The following COL12A1 variants were observed in gnomAD, a reference collection of about 807,000 sequenced individuals.
COL12A1 encodes the protein collagen type XII alpha 1 chain.
Under a neutral mutation model 349.7 loss-of-function variants are expected in COL12A1, and 114 were observed. That is an observed-to-expected ratio of 0.33 (90% CI 0.28 to 0.38). The LOEUF (loss-of-function observed/expected upper bound fraction) is 0.38. Ranked by LOEUF, COL12A1 falls within the 10% of genes least tolerant of loss-of-function variation. The pLI is 1.00. For missense variants in COL12A1, 3,284 were observed against 3,756.9 expected (o/e 0.87, Z 3.29); for synonymous variants, 1,369 against 1,329.0 (o/e 1.03, Z -0.66).
intron 59 of COL12A1, among the ~76,000 whole-genome samples, chr6:75,096,465 T>C (rs2149335816): frequency 6.6e-6 from 1 of 152,342 alleles, no homozygotes; most frequent in East Asian, 1.9e-4. Flanking sequence ...TTCAAAATCA[T>C]TAGTTTCAGT....
chr6:75,154,084 T>C (rs747011019), intron 17 of COL12A1, among the ~76,000 whole-genome samples: 4 of 151,834 alleles, frequency 2.6e-5, no homozygotes, highest in Non-Finnish European at 5.9e-5. Flanking sequence ...TTTTAAATTA[T>C]GCGTTATTAC....
Position 75,117,567 on chromosome 6 carries a change from A to C in COL12A1, c.7355-21T>G, listed in dbSNP as rs1230280502. 2.5e-6 allele frequency: 4 copies of C among 1,603,680 alleles called. No individual in the cohort carries two copies. In the East Asian group the frequency reaches 9.0e-5, roughly 36 times the overall value. ...GAACCCTGCAAAGTAGCATTTATAG[A>C]ATGAATCACGTATCTCTTTTTCTGT... is the stretch of plus-strand genomic sequence containing the variant. On this transcript the variant is annotated intron_variant, in intron 46 of 65. Coordinates refer to ENST00000322507, the MANE Select transcript of COL12A1 (RefSeq NM_004370.6).
intron 11 of COL12A1, among the ~76,000 whole-genome samples, chr6:75,180,571 C>CATATATATATATATATATATAT (rs1014346865): frequency 2.0e-5 from 3 of 150,726 alleles, no homozygotes; most frequent in African/African-American, 7.4e-5. Flanking sequence ...CCTATATATA[C>CATATATATATATATATATATAT]ATATATATAT....
chr6:75,096,895 CAAAAAAAA>C (rs35243223), intron 59 of COL12A1, among the ~76,000 whole-genome samples: 13 of 73,260 alleles, frequency 1.8e-4, no homozygotes, highest in African/African-American at 3.8e-4. Context: ...GACTCCGTCT[CAAAAAAAA>C]AAAAAAAAAA....
At chr6:75,200,902 AACTT>A (rs1446125641) in intron 2 of COL12A1, among the ~76,000 whole-genome samples, 2 of 152,026 alleles carry the variant, frequency 1.3e-5, no homozygotes, top group African/African-American at 4.8e-5. Flanking sequence ...ATTAAATACT[AACTT>A]AAGGAGATGG....
intron 36 of COL12A1, 71 bp downstream of exon 36, chr6:75,130,781 C>G: frequency 6.3e-7 from 1 of 1,587,154 alleles, no homozygotes; most frequent in Non-Finnish European, 8.6e-7. Context: ...CCTCCCACCA[C>G]TCATTCAATC....
chr6:75,107,843 A>G (rs1215158975), intron 52 of COL12A1, among the ~76,000 whole-genome samples: 1 of 152,210 alleles, frequency 6.6e-6, no homozygotes, highest in Admixed American at 6.5e-5. Flanking sequence ...GTTATACTTA[A>G]ATATCAGATT....
At chr6:75,135,873 C>T (rs1459640852) in intron 31 of COL12A1, among the ~76,000 whole-genome samples, 2 of 152,140 alleles carry the variant, frequency 1.3e-5, no homozygotes, top group Non-Finnish European at 2.9e-5. Context: ...AATCTGAAAG[C>T]CTATTTAGGA....
chr6:75,149,928 G>A (rs1458686075), intron 21 of COL12A1, among the ~76,000 whole-genome samples: 1 of 152,098 alleles, frequency 6.6e-6, no homozygotes, highest in Admixed American at 6.6e-5. Flanking sequence ...CTAATCAAGA[G>A]CCAGAAGCCT....
rs548518486 is a variant in COL12A1, at chr6:75,198,850, T to TCAAA, written c.73+3869_73+3870insTTTG. On this transcript the variant is annotated intron_variant, in intron 2 of 65. Coordinates refer to ENST00000322507, the MANE Select transcript of COL12A1 (RefSeq NM_004370.6). ...AAAATATCTTGATGAACTACTAAGA[T>TCAAA]CTTTAGTTTGATATCTGTGATAACA... Among the ~76,000 whole-genome samples the TCAAA allele has an allele frequency of 7.2e-5, 11 of 152,310 alleles. No individual in the cohort carries two copies. In the South Asian group the frequency reaches 2.3e-3, roughly 32 times the overall value.
rs748027719 is a variant in COL12A1, at chr6:75,183,488, T to C, written c.1453A>G (p.Ser485Gly). The stretch of plus-strand genomic sequence containing the variant: ...GTGAACTCAGTATGAGGATCCCGGC[T>C]GTATTGCACAAGACTAATCTGGACC... ...NRVQISLVQYSRDPHTEFTLK... is the reference protein window; with the variant it reads ...NRVQISLVQYGRDPHTEFTLK... Residue 485 changes from serine to glycine, a missense_variant, in exon 10 of 66, where the codon AGC (serine) becomes GGC (glycine). Physicochemically the swap from Ser to Gly is moderately conservative, Grantham distance 56 (BLOSUM62 0). This residue lies in a region of COL12A1 where 2,601 missense variants were observed against 2,824.8 expected (regional missense o/e 0.92). Transcript: ENST00000322507. The C allele has an allele frequency of 6.2e-7, 1 of 1,614,198 alleles. No homozygotes were observed. The highest frequency in any genetic ancestry group is 8.5e-7 in the Non-Finnish European group (1 of 1,180,032).
chr6:75,160,578 T>G (rs1319344176), intron 14 of COL12A1, among the ~76,000 whole-genome samples: 1 of 152,204 alleles, frequency 6.6e-6, no homozygotes, highest in Non-Finnish European at 1.5e-5. Flanking sequence ...TTCTTTCTTA[T>G]TTACTTAGAC....
rs778849073 is a variant in COL12A1 at position 75,091,447 on chromosome 6, T to C, written c.8685+43A>G. ...AGTTCTATAGTTTTAGGCTTCAATG[T>C]TTAACACACAAAATAAACGTAAGAT... is the stretch of plus-strand genomic sequence containing the variant. On this transcript the variant is annotated intron_variant, in intron 61 of 65. Transcript: ENST00000322507. 3.1e-6 allele frequency: 5 copies of C among 1,612,542 alleles called. No individual in the cohort carries two copies. In the South Asian group the frequency reaches 5.5e-5, roughly 18 times the overall value.
intron 18 of COL12A1, 41 bp downstream of exon 18, chr6:75,152,292 G>C (rs1486238685): frequency 6.2e-7 from 1 of 1,613,528 alleles, no homozygotes; most frequent in Non-Finnish European, 8.5e-7. Flanking sequence ...GAAAGAGAAA[G>C]ATAAAAATGT....
chr6:75,121,486 T>C, intron 43 of COL12A1, 45 bp from the exon 44 acceptor site: 1 of 1,472,914 alleles, frequency 6.8e-7, no homozygotes, highest in Non-Finnish European at 9.1e-7. Flanking sequence ...TCATGAATTC[T>C]TTCATTTAAA....
At chr6:75,117,590 T>A in intron 46 of COL12A1, 44 bp from the exon 47 acceptor site, 1 of 1,588,488 alleles carries the variant, frequency 6.3e-7, no homozygotes, top group Non-Finnish European at 8.6e-7. Context: ...TCTCTTTTTC[T>A]GTCCTTGTTG....
rs567226323 is a variant in COL12A1, at chr6:75,189,740, T to G, written c.470A>C (p.Lys157Thr). 3 of 1,613,326 alleles carry G rather than the reference T, an allele frequency of 1.9e-6. No individual in the cohort carries two copies. The South Asian group carries it at 3.3e-5, about 18-fold the overall frequency. Residue 157 changes from lysine to threonine, a missense_variant, in exon 6 of 66, where the codon AAG becomes ACG. By Grantham distance (78) the Lys-to-Thr change is moderately conservative. Coordinates refer to ENST00000322507, the MANE Select transcript of COL12A1 (RefSeq NM_004370.6). ...GSWSVGRNNF[K>T]YILDFIAALV... ...AGCAGCAATGAAGTCTAAAATGTAC[T>G]TGAAATTATTTCTTCCCACACTCCA...
At chr6:75,200,419 A>G (rs1179414172) in intron 2 of COL12A1, among the ~76,000 whole-genome samples, 2 of 152,156 alleles carry the variant, frequency 1.3e-5, no homozygotes, top group Non-Finnish European at 2.9e-5. Flanking sequence ...CTAAAAATAC[A>G]AAAATTAGCC....
chr6:75,086,681 T>C (rs1767510377), intron 65 of COL12A1, 124 bp from the exon 66 acceptor site: 1 of 387,066 alleles, frequency 2.6e-6, no homozygotes, highest in Non-Finnish European at 3.9e-6. Context: ...TATCCATATA[T>C]TTTTAGTTAT....
Sources: allele counts gnomAD v4.1 joint callset (sites outside exome capture counted in the v4.1 genomes callset), GRCh38; gene constraint gnomAD v4.1.1; regional missense constraint gnomAD v4.1.1; transcripts MANE v1.5; gene names NCBI Gene and HGNC (gene_info 2026-07-23, HGNC 2026-07-21).